Variants in ZNF330 observed in about 807,000 individuals in gnomAD.
The protein encoded by ZNF330 is nucleolar atypical zinc finger.
In ZNF330, 31 loss-of-function variants were observed where a neutral mutation model predicts 45.5. That is an observed-to-expected ratio of 0.68 (90% CI 0.51 to 0.92). The LOEUF is 0.92. Ranked by LOEUF, ZNF330 falls within the 40% of genes least tolerant of loss-of-function variation. The pLI is 0.00. For missense variants in ZNF330, 356 were observed against 387.4 expected (o/e 0.92, Z 0.68); for synonymous variants, 138 against 123.2 (o/e 1.12, Z -0.79).
At position 141,233,959 on chromosome 4, in the gene ZNF330, C is replaced by G. The variant is rs1320205341; in HGVS notation, c.933C>G (p.Gly311=). The G allele has an allele frequency of 3.1e-6, 5 of 1,613,234 alleles. No homozygotes were observed. The highest frequency in any genetic ancestry group is 4.2e-6 in the Non-Finnish European group (5 of 1,179,482). ...NLNLGRTYAS[G]YAHYEEQEN is the part of the protein sequence containing the mutation. ...ATTTAGGAAGGACCTATGCTAGTGG[C>G]TATGCTCACTATGAGGAACAAGAGA... The change falls in exon 10 of 10, where the codon GGC becomes GGG. Residue 311 remains glycine, a synonymous_variant. Transcript: ENST00000262990.
At chr4:141,223,860 C>T (rs917250383) in intron 2 of ZNF330, 4 of 450,356 alleles carry the variant, frequency 8.9e-6, no homozygotes, top group Middle Eastern at 6.5e-4. Context: ...AGGTAGGAGG[C>T]ACTTTTCAGG....
At position 141,234,162 on chromosome 4, in the gene ZNF330, C is replaced by A; in HGVS notation, c.*173C>A. 8.3e-7 allele frequency: 1 copy of A among 1,211,722 alleles called. No individual in the cohort carries two copies. Among genetic ancestry groups the A allele is most frequent in the Non-Finnish European group, 1.1e-6 (1 of 935,012 alleles). 75.1% of individuals were successfully genotyped at this position (1,211,722 alleles called of 1,614,324 possible). A position where few individuals can be genotyped will look rare whatever the true frequency, so the allele number is the denominator to read the frequency against. On this transcript the variant is annotated 3_prime_UTR_variant, in exon 10 of 10. Coordinates refer to ENST00000262990, the MANE Select transcript of ZNF330 (RefSeq NM_014487.6). Reference sequence around the variant, plus strand: ...CGTTTTTATAGAACTGATAATCAGGCTTATGGCATAAGAAAAATGAGTTTC... The same window carrying A: ...CGTTTTTATAGAACTGATAATCAGGATTATGGCATAAGAAAAATGAGTTTC...
intron 5 of ZNF330, among the ~76,000 whole-genome samples, chr4:141,228,507 T>C (rs1342568272): frequency 6.6e-6 from 1 of 152,046 alleles, no homozygotes; most frequent in Non-Finnish European, 1.5e-5. Flanking sequence ...AGGACCACAG[T>C]TCTCCCTATA....
intron 4 of ZNF330, among the ~76,000 whole-genome samples, chr4:141,226,283 T>G (rs1238137091): frequency 1.3e-5 from 2 of 152,160 alleles, no homozygotes; most frequent in Non-Finnish European, 2.9e-5. Context: ...TAAAATTACA[T>G]TAACTCGATA....
At chr4:141,226,470 A>G (rs1341516253) in intron 4 of ZNF330, among the ~76,000 whole-genome samples, 3 of 152,180 alleles carry the variant, frequency 2.0e-5, no homozygotes. Flanking sequence ...TAAAATGATC[A>G]TTAGATTACA....
rs1728662495 is a variant in ZNF330 at position 141,221,058 on chromosome 4, AG to A, written c.-56del. On this transcript the variant is annotated 5_prime_UTR_variant, in exon 1 of 10. Coordinates refer to ENST00000262990, the MANE Select transcript of ZNF330 (RefSeq NM_014487.6). Reference sequence around the variant, plus strand: ...TCCCTGTCCCTCGGCCCCCTGAGTGAGTCCGGTCTCCCGGCGAAAGTGAGCG... The same window carrying A: ...TCCCTGTCCCTCGGCCCCCTGAGTGATCCGGTCTCCCGGCGAAAGTGAGCG... The A allele has an allele frequency of 6.6e-6, 1 of 152,254 alleles. No homozygotes were observed. Among genetic ancestry groups the A allele is most frequent in the Non-Finnish European group, 1.5e-5 (1 of 68,076 alleles). The allele number at this position is 152,254 out of a possible 1,614,324, so 9.4% of individuals were successfully genotyped here. A position where few individuals can be genotyped will look rare whatever the true frequency, so the allele number is the denominator to read the frequency against.
Position 141,226,219 on chromosome 4 carries a change from T to A in ZNF330, c.212-548T>A, listed in dbSNP as rs186231010. Among the ~76,000 whole-genome samples the A allele has an allele frequency of 4.2e-4, 64 of 152,178 alleles. 1 individual carries two copies. Among genetic ancestry groups the A allele is most frequent in the South Asian group, 6.2e-4 (3 of 4,828 alleles). ...TGCTTATTTGGGCACTATTTCAAAA[T>A]TTTGTTGGGAAAATGTTTAACTGGG... On this transcript the variant is annotated intron_variant, in intron 4 of 9. Transcript: ENST00000262990.
Position 141,233,978 on chromosome 4 carries a change from C to G in ZNF330, c.952C>G (p.Gln318Glu). ...TAGTGGCTATGCTCACTATGAGGAA[C>G]AAGAGAACTAGGGGAGCTGCTCTGG... ...YASGYAHYEE[Q>E]EN Residue 318 changes from glutamine (Q) to glutamate (E), a missense_variant, in exon 10 of 10, where the codon CAA becomes GAA. Transcript: ENST00000262990. 2 of 1,611,952 alleles carry G rather than the reference C, an allele frequency of 1.2e-6. No homozygotes were observed.
Position 141,229,763 on chromosome 4 carries a change from T to C in ZNF330, c.418+66T>C. 4 of 1,602,122 alleles carry C rather than the reference T, an allele frequency of 2.5e-6. No individual in the cohort carries two copies. The South Asian group carries it at 4.4e-5, about 18-fold the overall frequency. ...AATGTTGACTTTGAAACATTTTGAATGCTGTTTTTGAGATTTTTTTCAGGA... is the reference window on the plus strand; with the variant it reads ...AATGTTGACTTTGAAACATTTTGAACGCTGTTTTTGAGATTTTTTTCAGGA... On this transcript the variant is annotated intron_variant, in intron 6 of 9. Transcript: ENST00000262990.
intron 4 of ZNF330, among the ~76,000 whole-genome samples, chr4:141,225,760 A>G (rs1728788744): frequency 6.6e-6 from 1 of 152,110 alleles, no homozygotes. Context: ...TTGTTTTGCA[A>G]AAAGTAATGA....
Position 141,226,774 on chromosome 4 carries a change from A to G in ZNF330, c.219A>G (p.Thr73=), listed in dbSNP as rs767633835. Residue 73 remains threonine, a synonymous_variant, in exon 5 of 10, where the codon ACA becomes ACG. Coordinates refer to ENST00000262990, the MANE Select transcript of ZNF330 (RefSeq NM_014487.6). ...AATGTTTTTCTTCATTAGGGAAAAC[A>G]AAGTGCATGATGAAGTCTTCAGACT... ...KLPICAQCGK[T]KCMMKSSDCV... The G allele has an allele frequency of 1.2e-5, 19 of 1,612,718 alleles. No individual in the cohort carries two copies. The highest frequency in any genetic ancestry group is 1.7e-5 in the Admixed American group (1 of 59,932).
chr4:141,227,467 CTCA>C (rs1560786348), intron 5 of ZNF330, among the ~76,000 whole-genome samples: 1 of 152,082 alleles, frequency 6.6e-6, no homozygotes, highest in East Asian at 1.9e-4. Flanking sequence ...AGGACATGAA[CTCA>C]TCATTTTTTA....
Position 141,234,099 on chromosome 4 carries a change from G to A in ZNF330, c.*110G>A, listed in dbSNP as rs1729026348. 2 of 1,480,054 alleles carry A rather than the reference G, an allele frequency of 1.4e-6. No homozygotes were observed. The highest frequency in any genetic ancestry group is 4.7e-5 in the East Asian group (2 of 42,940). 91.7% of individuals were successfully genotyped at this position (1,480,054 alleles called of 1,614,324 possible). A position where few individuals can be genotyped will look rare whatever the true frequency, so the allele number is the denominator to read the frequency against. On this transcript the variant is annotated 3_prime_UTR_variant, in exon 10 of 10. Transcript: ENST00000262990. ...CTTAGCCACTTAGCCTTGTGCAGAA[G>A]ACTAGTTACACTTAATGGGCCAAGC...
chr4:141,232,125 G>A (rs1318733875), intron 8 of ZNF330, among the ~76,000 whole-genome samples: 3 of 152,006 alleles, frequency 2.0e-5, no homozygotes, highest in Non-Finnish European at 4.4e-5. Context: ...GTCTGCTTTA[G>A]TGCCCTTCCC....
At chr4:141,230,349 C>A in intron 7 of ZNF330, 79 bp downstream of exon 7, 1 of 842,058 alleles carries the variant, frequency 1.2e-6, no homozygotes, top group Non-Finnish European at 1.8e-6. Context: ...AAAAAGGAAT[C>A]AAGTTTTTTT....
Position 141,222,369 on chromosome 4 carries a change from A to G in ZNF330, c.-3A>G, listed in dbSNP as rs202057658. The G allele has an allele frequency of 2.9e-3, 4,743 of 1,611,418 alleles. 11 individuals carry two copies. Among genetic ancestry groups the G allele is most frequent in the Non-Finnish European group, 3.4e-3 (4,035 of 1,178,760 alleles). Reference sequence around the variant, plus strand: ...CTGTTCTCTTGTGTCAAAATAGGGGAAAATGCCTAAAAAAAAGACTGGTGC... The same window carrying G: ...CTGTTCTCTTGTGTCAAAATAGGGGGAAATGCCTAAAAAAAAGACTGGTGC... On this transcript the variant is annotated 5_prime_UTR_variant, in exon 2 of 10. Coordinates refer to ENST00000262990, the MANE Select transcript of ZNF330 (RefSeq NM_014487.6).
Position 141,231,535 on chromosome 4 carries a change from C to A in ZNF330, c.570+50C>A, listed in dbSNP as rs114570196. 386 of 1,386,798 alleles carry A rather than the reference C, an allele frequency of 2.8e-4. 1 individual carries two copies. In the African/African-American group the frequency reaches 4.9e-3, roughly 18 times the overall value. 85.9% of individuals were successfully genotyped at this position (1,386,798 alleles called of 1,614,324 possible). The stretch of plus-strand genomic sequence containing the variant: ...TTAGATTTTGTTTTTAATCTCTATA[C>A]CCCTCCACCAGTCCTTGGCTTATAT... On this transcript the variant is annotated intron_variant, in intron 8 of 9. Coordinates refer to ENST00000262990, the MANE Select transcript of ZNF330 (RefSeq NM_014487.6).
chr4:141,232,485 C>A (rs1578814519), intron 8 of ZNF330, 40 bp from the exon 9 acceptor site: 2 of 1,130,458 alleles, frequency 1.8e-6, no homozygotes, highest in East Asian at 2.9e-5. Context: ...TATATTTTTA[C>A]ATTTTTATTT....
Position 141,234,087 on chromosome 4 carries a change from C to G in ZNF330, c.*98C>G, listed in dbSNP as rs1343100799. 2 of 1,496,162 alleles carry G rather than the reference C, an allele frequency of 1.3e-6. No individual in the cohort carries two copies. Among genetic ancestry groups the G allele is most frequent in the African/African-American group, 1.4e-5 (1 of 71,384 alleles). The allele number at this position is 1,496,162 out of a possible 1,614,324, so 92.7% of individuals were successfully genotyped here. A position where few individuals can be genotyped will look rare whatever the true frequency, so the allele number is the denominator to read the frequency against. Reference sequence around the variant, plus strand: ...GTTCAAAAGTACCTTAGCCACTTAGCCTTGTGCAGAAGACTAGTTACACTT... The same window carrying G: ...GTTCAAAAGTACCTTAGCCACTTAGGCTTGTGCAGAAGACTAGTTACACTT... On this transcript the variant is annotated 3_prime_UTR_variant, in exon 10 of 10. Transcript: ENST00000262990.
Sources: gnomAD v4.1 joint callset for allele counts (sites outside exome capture counted in the v4.1 genomes callset) on GRCh38, gnomAD v4.1.1 for gene constraint, MANE v1.5 for transcripts, NCBI Gene and HGNC (gene_info 2026-07-23, HGNC 2026-07-21) for gene names.